The following RRP12 variants were observed in gnomAD, a reference collection of about 807,000 sequenced individuals.
RRP12 encodes ribosomal RNA processing 12 homolog, also known as RRP12-like protein.
Under a neutral mutation model 157.3 loss-of-function variants are expected in RRP12, and 78 were observed. The ratio of observed to expected loss-of-function variants is 0.50; its 90% CI spans 0.41 to 0.60. The LOEUF (loss-of-function observed/expected upper bound fraction) is 0.60. Ranked by LOEUF, RRP12 falls within the 20% of genes least tolerant of loss-of-function variation. The pLI is 0.00. For synonymous variants in RRP12, 726 were observed against 670.9 expected (o/e 1.08, Z -1.27); for missense variants, 1,521 against 1,679.9 (o/e 0.91, Z 1.65).
chr10:97,372,768 C>T lies in RRP12; in HGVS notation c.2217G>A (p.Lys739=). ...VNSLLEKASE[K]VLDPASSDFT... is the part of the protein sequence containing the mutation. ...AGTCAGAGCTGGCAGGGTCGAGCAC[C>T]TTCTCACTGGCTTTTTCCAGGAGAC... Residue 739 remains lysine, a synonymous_variant, in exon 19 of 34, where the codon AAG becomes AAA. Transcript: ENST00000370992. 1 of 1,563,728 alleles carries T rather than the reference C, an allele frequency of 6.4e-7. No homozygotes were observed. The highest frequency in any genetic ancestry group is 1.2e-5 in the South Asian group (1 of 84,946).
chr10:97,359,438 T>C (rs1397549494), intron 31 of RRP12, among the ~76,000 whole-genome samples: 1 of 152,228 alleles, frequency 6.6e-6, no homozygotes, highest in African/African-American at 2.4e-5. Context: ...TCCCTTCTTA[T>C]CTCATTTGGG....
rs776369694 is a variant in RRP12, at chr10:97,372,176, G to A, written c.2250-10C>T. The A allele has an allele frequency of 1.2e-6, 2 of 1,610,562 alleles. No homozygotes were observed. Among genetic ancestry groups the A allele is most frequent in the East Asian group, 2.2e-5 (1 of 44,852 alleles). ...GTCCAGGACAGACAATCTGCTCGGG[G>A]CAGGAGGACAAGGAGAGGGATGGGG... On this transcript the variant is annotated splice_polypyrimidine_tract_variant and intron_variant, in intron 19 of 33. Transcript: ENST00000370992.
intron 4 of RRP12, among the ~76,000 whole-genome samples, chr10:97,392,714 G>A (rs1280709381): frequency 4.1e-5 from 6 of 147,406 alleles, no homozygotes; most frequent in African/African-American, 7.6e-5. Flanking sequence ...TTTTTGAGAC[G>A]GAGTCTTGCA....
intron 24 of RRP12, among the ~76,000 whole-genome samples, chr10:97,369,807 G>A (rs766367107): frequency 1.3e-5 from 2 of 152,256 alleles, no homozygotes; most frequent in Non-Finnish European, 2.9e-5. Flanking sequence ...AAGAAACTGA[G>A]GTGCTAAGAG....
intron 2 of RRP12, among the ~76,000 whole-genome samples, chr10:97,397,255 G>C (rs1844991811): frequency 6.6e-6 from 1 of 151,964 alleles, no homozygotes; most frequent in African/African-American, 2.4e-5. Context: ...CCACCTCCCG[G>C]GTTCAAGCGA....
At chr10:97,399,288 A>C (rs1345475240) in intron 2 of RRP12, among the ~76,000 whole-genome samples, 1 of 152,166 alleles carries the variant, frequency 6.6e-6, no homozygotes, top group Non-Finnish European at 1.5e-5. Flanking sequence ...AAAAAATAAA[A>C]AGATGAATTT....
At chr10:97,372,409 A>G (rs1844182548) in intron 19 of RRP12, among the ~76,000 whole-genome samples, 1 of 152,204 alleles carries the variant, frequency 6.6e-6, no homozygotes, top group East Asian at 1.9e-4. Flanking sequence ...CCTTGTTGCA[A>G]GAACTATTAT....
At position 97,366,634 on chromosome 10, in the gene RRP12, A is replaced by T; in HGVS notation, c.3216-13T>A. The T allele has an allele frequency of 6.2e-7, 1 of 1,607,498 alleles. No individual in the cohort carries two copies. The highest frequency in any genetic ancestry group is 8.5e-7 in the Non-Finnish European group (1 of 1,175,644). On this transcript the variant is annotated splice_polypyrimidine_tract_variant and intron_variant, in intron 27 of 33. Coordinates refer to ENST00000370992, the MANE Select transcript of RRP12 (RefSeq NM_015179.4). Reference sequence around the variant, plus strand: ...AATCTCCTCAATGCTAAGGACAAAAAGCCCCCAGTCAGAGTGCTCCCAGGA... The same window carrying T: ...AATCTCCTCAATGCTAAGGACAAAATGCCCCCAGTCAGAGTGCTCCCAGGA...
At chr10:97,387,649 A>T (rs533018099) in intron 8 of RRP12, among the ~76,000 whole-genome samples, 38 of 152,158 alleles carry the variant, frequency 2.5e-4, no homozygotes, top group African/African-American at 8.9e-4. Context: ...CTGCTAAAAA[A>T]AAAAAACTCG....
At chr10:97,363,804 C>G (rs768685593) in intron 30 of RRP12, 50 bp downstream of exon 30, 5 of 1,525,436 alleles carry the variant, frequency 3.3e-6, no homozygotes, top group Non-Finnish European at 3.6e-6. Flanking sequence ...AGCTGTGGAG[C>G]CCAGGCTTAG....
chr10:97,362,583 C>A (rs1187090675), intron 30 of RRP12, among the ~76,000 whole-genome samples: 1 of 152,018 alleles, frequency 6.6e-6, no homozygotes, highest in Non-Finnish European at 1.5e-5. Context: ...CCATGTCAGA[C>A]CAAGCAGAGG....
chr10:97,368,302 G>A (rs1240129283), intron 25 of RRP12, among the ~76,000 whole-genome samples: 2 of 151,740 alleles, frequency 1.3e-5, no homozygotes, highest in East Asian at 3.9e-4. Context: ...AAAGTGCTAG[G>A]AATATAGGTG....
intron 6 of RRP12, among the ~76,000 whole-genome samples, chr10:97,389,335 C>T (rs1483119262): frequency 6.6e-6 from 1 of 152,068 alleles, no homozygotes; most frequent in African/African-American, 2.4e-5. Context: ...CCTCGTGATC[C>T]GCCCGCCTCG....
chr10:97,378,463 G>C (rs1422266214), intron 15 of RRP12, among the ~76,000 whole-genome samples: 10 of 152,158 alleles, frequency 6.6e-5, no homozygotes, highest in Non-Finnish European at 1.3e-4. Context: ...ACATTGAAAA[G>C]TACAGTAAAA....
chr10:97,396,115 G>C (rs1844955299), intron 3 of RRP12, 103 bp downstream of exon 3: 2 of 821,444 alleles, frequency 2.4e-6, no homozygotes, highest in African/African-American at 3.4e-5. Flanking sequence ...ACCTGGTCAA[G>C]GTTGTCCTTC....
chr10:97,396,342 A>G, intron 2 of RRP12, 41 bp from the exon 3 acceptor site: 2 of 1,502,560 alleles, frequency 1.3e-6, no homozygotes, highest in East Asian at 2.3e-5. Context: ...TTTTAGACCT[A>G]ACCCCACCCC....
At chr10:97,361,560 G>A (rs1027600126) in intron 30 of RRP12, among the ~76,000 whole-genome samples, 12 of 152,228 alleles carry the variant, frequency 7.9e-5, no homozygotes, top group Admixed American at 3.3e-4. Flanking sequence ...TGGGCAGAGC[G>A]AACAGGCTGC....
chr10:97,395,190 G>A (rs1844921210), intron 3 of RRP12, among the ~76,000 whole-genome samples: 1 of 137,002 alleles, frequency 7.3e-6, no homozygotes, highest in Non-Finnish European at 1.6e-5. Flanking sequence ...AAAATAAAAA[G>A]TATATATATA....
intron 6 of RRP12, among the ~76,000 whole-genome samples, chr10:97,389,645 C>T (rs1202561351): frequency 6.6e-6 from 1 of 152,146 alleles, no homozygotes; most frequent in East Asian, 1.9e-4. Context: ...CCAGGAGGTG[C>T]GCCAGGCCTG....
Sources: allele counts gnomAD v4.1 joint callset (sites outside exome capture counted in the v4.1 genomes callset), GRCh38; gene constraint gnomAD v4.1.1; transcripts MANE v1.5; gene names NCBI Gene and HGNC (gene_info 2026-07-23, HGNC 2026-07-21).